Variants in SGCG observed in about 807,000 individuals in gnomAD.
SGCG encodes the protein sarcoglycan gamma, also known as gamma-sarcoglycan.
A neutral mutation model predicts 29.3 loss-of-function variants in SGCG; 26 were observed. The ratio of observed to expected loss-of-function variants is 0.89; its 90% CI spans 0.65 to 1.23. SGCG has a LOEUF of 1.23. Among genes scored for constraint, SGCG ranks in the 50% most tolerant of loss-of-function variants. The pLI is 0.00. For missense variants in SGCG, 353 were observed against 356.0 expected (o/e 0.99, Z 0.07); for synonymous variants, 145 against 129.7 (o/e 1.12, Z -0.80).
intron 5 of SGCG, among the ~76,000 whole-genome samples, chr13:23,291,014 C>A (rs1881684781): frequency 6.6e-6 from 1 of 152,152 alleles, no homozygotes; most frequent in Non-Finnish European, 1.5e-5. Context: ...AGTCTTATTA[C>A]AGATCTTCAT....
the SGCG span, among the ~76,000 whole-genome samples, chr13:23,162,978 C>A: frequency 6.6e-6 from 1 of 152,052 alleles, no homozygotes; most frequent in Non-Finnish European, 1.5e-5. Flanking sequence ...AATTTTATTT[C>A]TTATTCTAAA....
intron 7 of SGCG, among the ~76,000 whole-genome samples, chr13:23,322,782 C>G (rs1194586791): frequency 9.8e-6 from 1 of 102,526 alleles, no homozygotes; most frequent in Admixed American, 9.0e-5. Context: ...CCCCCCCCCC[C>G]CCCCCCCGCC....
chr13:23,222,449 T>C (rs1878707838), intron 2 of SGCG, among the ~76,000 whole-genome samples: 1 of 152,236 alleles, frequency 6.6e-6, no homozygotes. Flanking sequence ...AGAGAGATTA[T>C]GATTCATTTA....
At chr13:23,286,057 C>T (rs1188596234) in intron 5 of SGCG, among the ~76,000 whole-genome samples, 1 of 152,190 alleles carries the variant, frequency 6.6e-6, no homozygotes, top group Non-Finnish European at 1.5e-5. Flanking sequence ...CCTGTTTGGC[C>T]ATCTTGCCAG....
chr13:23,187,047 C>T (rs1318680479), intron 1 of SGCG, among the ~76,000 whole-genome samples: 1 of 152,164 alleles, frequency 6.6e-6, no homozygotes. Context: ...ACAGTTTAGA[C>T]ATTCAGCAGG....
upstream of SGCG, among the ~76,000 whole-genome samples, chr13:23,177,010 G>A (rs906345272): frequency 6.6e-6 from 1 of 152,166 alleles, no homozygotes; most frequent in Non-Finnish European, 1.5e-5. Context: ...AGAAACTGTG[G>A]TATATATGCA....
intron 5 of SGCG, among the ~76,000 whole-genome samples, chr13:23,284,926 T>C (rs1279051342): frequency 6.6e-6 from 1 of 152,208 alleles, no homozygotes; most frequent in Admixed American, 6.5e-5. Flanking sequence ...TGCCTGGATA[T>C]CACCAGTGGA....
chr13:23,320,849 T>G, intron 7 of SGCG, 89 bp downstream of exon 7: 9 of 1,334,968 alleles, frequency 6.7e-6, no homozygotes, highest in Non-Finnish European at 9.6e-6. Context: ...ATTAAATTTC[T>G]AGTAGTTTGT....
In SGCG at chr13:23,242,677, T is replaced by C. The variant is rs113729174; in HGVS notation, c.298-7953T>C. On this transcript the variant is annotated intron_variant, in intron 3 of 7. Transcript: ENST00000218867. ...TTTTCTAAAAGGCATCATTAGCTAA[T>C]GATAAAAACTGAAAATCCCTTATGT... Among the ~76,000 whole-genome samples, 552 of 152,260 alleles carry C rather than the reference T, an allele frequency of 3.6e-3. 4 individuals carry two copies. The highest frequency in any genetic ancestry group is 0.013 in the African/African-American group (520 of 41,558).
intron 6 of SGCG, among the ~76,000 whole-genome samples, chr13:23,296,130 GT>G: frequency 6.6e-6 from 1 of 152,216 alleles, no homozygotes; most frequent in East Asian, 1.9e-4. Flanking sequence ...GTTTCCTGAA[GT>G]TTTTTACAAT....
intron 6 of SGCG, among the ~76,000 whole-genome samples, chr13:23,301,872 A>G (rs1032451386): frequency 3.3e-5 from 5 of 151,968 alleles, no homozygotes; most frequent in African/African-American, 1.2e-4. Flanking sequence ...AGCCTGGGCA[A>G]CAGAGCAAGA....
chr13:23,192,147 C>G (rs1877290457), intron 1 of SGCG, among the ~76,000 whole-genome samples: 1 of 148,488 alleles, frequency 6.7e-6, no homozygotes. Context: ...TGCACTCCAG[C>G]CTGGGCGACA....
chr13:23,223,151 G>A (rs1191511960), intron 2 of SGCG, among the ~76,000 whole-genome samples: 20 of 151,982 alleles, frequency 1.3e-4, no homozygotes, highest in South Asian at 2.1e-4. Context: ...GGTGGCGGGC[G>A]CCTGTAGTTC....
chr13:23,206,331 C>T (rs573823917), intron 2 of SGCG, among the ~76,000 whole-genome samples: 1 of 152,258 alleles, frequency 6.6e-6, no homozygotes, highest in Non-Finnish European at 1.5e-5. Context: ...TTCTCACTTC[C>T]TCAGCTCCTG....
At chr13:23,255,119 T>C (rs1330128045) in intron 4 of SGCG, among the ~76,000 whole-genome samples, 4 of 152,134 alleles carry the variant, frequency 2.6e-5, no homozygotes, top group African/African-American at 9.7e-5. Context: ...GCCACTGCCC[T>C]CCAGACCCCA....
intron 1 of SGCG, among the ~76,000 whole-genome samples, chr13:23,195,604 G>C (rs1877464846): frequency 6.6e-6 from 1 of 152,024 alleles, no homozygotes; most frequent in African/African-American, 2.4e-5. Flanking sequence ...TAAAATGGCA[G>C]AGTTTGCCAT....
At chr13:23,241,947 A>G (rs1879530690) in intron 3 of SGCG, among the ~76,000 whole-genome samples, 1 of 152,212 alleles carries the variant, frequency 6.6e-6, no homozygotes, top group African/African-American at 2.4e-5. Flanking sequence ...TCAACAAAAT[A>G]GAAAACATAA....
At chr13:23,264,513 T>C (rs920292909) in intron 4 of SGCG, among the ~76,000 whole-genome samples, 1 of 152,208 alleles carries the variant, frequency 6.6e-6, no homozygotes, top group African/African-American at 2.4e-5. Flanking sequence ...CAAAGCAGTC[T>C]ACAAATTCAA....
intron 4 of SGCG, among the ~76,000 whole-genome samples, chr13:23,256,617 C>T (rs1209363088): frequency 2.6e-5 from 4 of 151,894 alleles, no homozygotes; most frequent in African/African-American, 9.7e-5. Context: ...CTATGAGTGA[C>T]AACATGCAGT....
Sources: gnomAD v4.1 joint callset for allele counts (sites outside exome capture counted in the v4.1 genomes callset) on GRCh38, gnomAD v4.1.1 for gene constraint, MANE v1.5 for transcripts, NCBI Gene and HGNC (gene_info 2026-07-23, HGNC 2026-07-21) for gene names.